Variants in CFAP97 observed in about 807,000 individuals in gnomAD.
CFAP97 encodes the protein cilia and flagella associated protein 97.
CFAP97 carries 36 observed loss-of-function variants against 43.1 expected under a neutral mutation model. That is an observed-to-expected ratio of 0.84 (90% CI 0.64 to 1.10). CFAP97 has a LOEUF of 1.10. CFAP97 is among the 50% of genes least tolerant of loss of function. CFAP97 has a pLI of 0.00. For missense variants in CFAP97, 657 were observed against 620.3 expected, an observed-to-expected ratio of 1.06 and a Z score of -0.63; for synonymous variants, 228 against 225.7, an observed-to-expected ratio of 1.01 and a Z score of -0.09.
intron 2 of CFAP97, among the ~76,000 whole-genome samples, chr4:185,185,118 A>G (rs73876922): frequency 6.6e-6 from 1 of 152,270 alleles, no homozygotes; most frequent in African/African-American, 2.4e-5. Context: ...TATAAGAACA[A>G]TACTTTTTAA....
intron 2 of CFAP97, 58 bp from the exon 3 acceptor site, chr4:185,176,109 C>CTTTT (rs113459393): frequency 0.064 from 63,965 of 998,602 alleles, 159 homozygotes; most frequent in Middle Eastern, 0.071. Flanking sequence ...GTGGTACATG[C>CTTTT]TTTTTTTTTT....
chr4:185,190,476 A>C lies in CFAP97; in HGVS notation c.721T>G (p.Cys241Gly). The C allele has an allele frequency of 1.2e-6, 2 of 1,613,926 alleles. No individual in the cohort carries two copies. The highest frequency in any genetic ancestry group is 3.3e-4 in the Middle Eastern group (2 of 6,062). The change falls in exon 2 of 5, where the codon TGT (cysteine) becomes GGT (glycine). Residue 241 changes from cysteine (C) to glycine (G), a missense_variant. Coordinates refer to ENST00000458385, the MANE Select transcript of CFAP97 (RefSeq NM_020827.3). ...TCAGACTCCTCAGGGTAGTGGCCAC[A>C]TTTTGGTGTAGTACTTGAAGGCTGT... ...ETQPSSTTPK[C>G]GHYPEESEDT...
At chr4:185,175,661 C>T (rs920657306) in intron 3 of CFAP97, 125 bp downstream of exon 3, 41 of 816,304 alleles carry the variant, frequency 5.0e-5, no homozygotes, top group Non-Finnish European at 7.4e-5. Flanking sequence ...TCATACCACA[C>T]ATACCGCACC....
At chr4:185,196,466 CA>C (rs58653090) in intron 1 of CFAP97, among the ~76,000 whole-genome samples, 4,786 of 129,606 alleles carry the variant, frequency 0.037, 241 homozygotes, top group African/African-American at 0.14. Context: ...TAGTCCGTCT[CA>C]AAAAAAAAAA....
At chr4:185,169,122 CA>C (rs751830421) in intron 3 of CFAP97, 1 of 152,122 alleles carries the variant, frequency 6.6e-6, no homozygotes, top group Non-Finnish European at 1.5e-5. Context: ...TACAAAGTTC[CA>C]GTCATGCAAG....
At chr4:185,180,881 C>T (rs895748783) in intron 2 of CFAP97, among the ~76,000 whole-genome samples, 1 of 152,096 alleles carries the variant, frequency 6.6e-6, no homozygotes, top group Non-Finnish European at 1.5e-5. Flanking sequence ...AACACCCCCC[C>T]TAAAGACTGA....
intron 3 of CFAP97, among the ~76,000 whole-genome samples, chr4:185,174,983 G>A (rs1286820886): frequency 6.6e-6 from 1 of 152,090 alleles, no homozygotes; most frequent in Non-Finnish European, 1.5e-5. Context: ...TATATGATTT[G>A]TAACAATCAA....
intron 1 of CFAP97, among the ~76,000 whole-genome samples, chr4:185,195,849 C>G (rs1432268392): frequency 6.6e-6 from 1 of 152,052 alleles, no homozygotes; most frequent in Admixed American, 6.6e-5. Context: ...AAAATGTCAC[C>G]TTTTTTTGTG....
chr4:185,173,873 A>T (rs1011651698), intron 3 of CFAP97, among the ~76,000 whole-genome samples: 1 of 152,242 alleles, frequency 6.6e-6, no homozygotes, highest in Non-Finnish European at 1.5e-5. Flanking sequence ...AAAACTGTTA[A>T]AATGGCAAAT....
chr4:185,165,689 T>A (rs1462804296), intron 3 of CFAP97, among the ~76,000 whole-genome samples: 3 of 152,260 alleles, frequency 2.0e-5, no homozygotes, highest in Non-Finnish European at 4.4e-5. Context: ...TCTTTTCTTC[T>A]TTCTTCCTTT....
rs1436659430 is a variant in CFAP97, at chr4:185,190,507, T to C, written c.690A>G (p.Thr230=). The change falls in exon 2 of 5, where the codon ACA becomes ACG. Residue 230 remains threonine (T), a synonymous_variant. Transcript: ENST00000458385. ...GTGTAGTACTTGAAGGCTGTGTTTC[T>C]GTCGATTTTATTCCTGATTTATACT... ...KHKYKSGIKS[T]ETQPSSTTPK... is the part of the protein sequence containing the mutation. 1.9e-6 allele frequency: 3 copies of C among 1,613,984 alleles called. No homozygotes were observed. The highest frequency in any genetic ancestry group is 2.2e-5 in the South Asian group (2 of 91,064).
chr4:185,168,038 G>A (rs557645100), intron 3 of CFAP97, among the ~76,000 whole-genome samples: 25 of 150,702 alleles, frequency 1.7e-4, no homozygotes, highest in Non-Finnish European at 3.1e-4. Flanking sequence ...TAAAATTAGT[G>A]GTATTGTTAA....
intron 2 of CFAP97, among the ~76,000 whole-genome samples, chr4:185,181,792 T>C (rs544456489): frequency 2.6e-5 from 4 of 152,208 alleles, no homozygotes; most frequent in African/African-American, 9.6e-5. Flanking sequence ...GTTGAGGGCA[T>C]TGAGATTTCC....
intron 3 of CFAP97, among the ~76,000 whole-genome samples, chr4:185,173,082 C>T (rs1735368898): frequency 6.6e-6 from 1 of 151,472 alleles, no homozygotes; most frequent in South Asian, 2.1e-4. Context: ...TAATCAAAGT[C>T]AACGGGCACA....
At chr4:185,181,029 A>G (rs1735758889) in intron 2 of CFAP97, among the ~76,000 whole-genome samples, 1 of 152,104 alleles carries the variant, frequency 6.6e-6, no homozygotes, top group Non-Finnish European at 1.5e-5. Context: ...AAAGTCAGCG[A>G]GTGGCAGAGT....
chr4:185,167,755 G>A (rs931657383), intron 3 of CFAP97, among the ~76,000 whole-genome samples: 1 of 152,112 alleles, frequency 6.6e-6, no homozygotes, highest in Non-Finnish European at 1.5e-5. Context: ...AGCACTTTGC[G>A]AGGCTGAGGC....
At chr4:185,203,494 C>G (rs570955904) in intron 1 of CFAP97, among the ~76,000 whole-genome samples, 6 of 152,214 alleles carry the variant, frequency 3.9e-5, no homozygotes, top group African/African-American at 1.4e-4. Context: ...ACGCTAGGCT[C>G]TTGTCTACAT....
intron 2 of CFAP97, among the ~76,000 whole-genome samples, chr4:185,183,779 C>T (rs777054383): frequency 6.6e-6 from 1 of 152,128 alleles, no homozygotes; most frequent in Non-Finnish European, 1.5e-5. Flanking sequence ...TGGCAAAATG[C>T]CATGTTTGTT....
At chr4:185,194,081 T>A (rs1736429096) in intron 1 of CFAP97, among the ~76,000 whole-genome samples, 1 of 152,158 alleles carries the variant, frequency 6.6e-6, no homozygotes, top group East Asian at 1.9e-4. Flanking sequence ...GCCCCACTGA[T>A]GGGTATATGT....
Sources: gnomAD v4.1 joint callset for allele counts (sites outside exome capture counted in the v4.1 genomes callset) on GRCh38, gnomAD v4.1.1 for gene constraint, MANE v1.5 for transcripts, NCBI Gene and HGNC (gene_info 2026-07-23, HGNC 2026-07-21) for gene names.